RPH3AL: variants seen among roughly 807,000 people sequenced by gnomAD.
The protein encoded by RPH3AL is rabphilin 3A like (without C2 domains), also known as rab effector Noc2.
RPH3AL carries 38 observed loss-of-function variants against 43.1 expected under a neutral mutation model. The ratio of observed to expected loss-of-function variants is 0.88; its 90% CI spans 0.68 to 1.15. The LOEUF (loss-of-function observed/expected upper bound fraction) is 1.15, where lower values mean the gene tolerates loss of function less well. Ranked by LOEUF, RPH3AL falls within the 50% of genes most tolerant of loss-of-function variation. The pLI, the probability that RPH3AL is intolerant of heterozygous loss-of-function variation, is 0.00. For synonymous variants in RPH3AL, 189 were observed against 176.3 expected (o/e 1.07, Z -0.57); for missense variants, 462 against 423.2 (o/e 1.09, Z -0.81).
intron 6 of RPH3AL, among the ~76,000 whole-genome samples, chr17:252,515 C>T (rs1447323269): frequency 1.3e-5 from 2 of 152,192 alleles, no homozygotes; most frequent in South Asian, 2.1e-4. Context: ...CACCTCACTA[C>T]GCATCAGAGC....
chr17:280,418 C>T (rs1270430794), intron 6 of RPH3AL, among the ~76,000 whole-genome samples: 2 of 152,146 alleles, frequency 1.3e-5, no homozygotes, highest in Non-Finnish European at 1.5e-5. Flanking sequence ...CAAGCTGTCA[C>T]GGCTGGGATG....
At chr17:269,082 GT>G (rs2042397423) in intron 6 of RPH3AL, among the ~76,000 whole-genome samples, 1 of 152,158 alleles carries the variant, frequency 6.6e-6, no homozygotes, top group Admixed American at 6.5e-5. Context: ...GTTTCACCGT[GT>G]TAGCCAGGAT....
intron 6 of RPH3AL, among the ~76,000 whole-genome samples, chr17:279,386 C>T (rs922477069): frequency 6.6e-6 from 1 of 152,098 alleles, no homozygotes; most frequent in Non-Finnish European, 1.5e-5. Flanking sequence ...CTTTTAGAGG[C>T]TAAGTTTTAT....
chr17:347,795 A>T (rs1395864160), intron 1 of RPH3AL, among the ~76,000 whole-genome samples: 1 of 152,236 alleles, frequency 6.6e-6, no homozygotes, highest in Admixed American at 6.5e-5. Context: ...CACAACCAAG[A>T]TGTCCTTCAT....
At chr17:249,472 A>T (rs1381788933) in intron 6 of RPH3AL, among the ~76,000 whole-genome samples, 1 of 152,060 alleles carries the variant, frequency 6.6e-6, no homozygotes, top group Non-Finnish European at 1.5e-5. Flanking sequence ...GCCTCTCCAC[A>T]GAGGAGAGGC....
intron 6 of RPH3AL, among the ~76,000 whole-genome samples, chr17:275,814 T>G (rs1020955977): frequency 1.3e-5 from 2 of 152,226 alleles, no homozygotes; most frequent in Non-Finnish European, 2.9e-5. Flanking sequence ...CCCAAAGTGC[T>G]GGGATTACAG....
In RPH3AL at chr17:252,770, T is replaced by C. The variant is rs899039214; in HGVS notation, c.439-5485A>G. The stretch of plus-strand genomic sequence containing the variant: ...CTTGGGACAGAAGTGCTTCAGATTT[T>C]GAATTTTTCCGAATTTTAGAATATT... On this transcript the variant is annotated intron_variant, in intron 6 of 9. Transcript: ENST00000331302. 2.0e-5 allele frequency among the ~76,000 whole-genome samples: 3 copies of C among 152,222 alleles called. No individual in the cohort carries two copies. The East Asian group carries it at 5.8e-4, about 29-fold the overall frequency.
intron 2 of RPH3AL, chr17:331,980 G>A: frequency 1.1e-6 from 1 of 874,864 alleles, no homozygotes; most frequent in Non-Finnish European, 1.6e-6. Context: ...GAGGGAGGAT[G>A]GAATTGGCCT....
rs67434950 is a variant in RPH3AL at position 327,568 on chromosome 17, G to A, written c.-25C>T. On this transcript the variant is annotated 5_prime_UTR_variant, in exon 3 of 10. Coordinates refer to ENST00000331302, the MANE Select transcript of RPH3AL (RefSeq NM_006987.4). The stretch of plus-strand genomic sequence containing the variant: ...TGGCTCGGAGCACCCGGCTGGGGGT[G>A]GGGAGTCACATCTGAGATGAAGGAG... The A allele has an allele frequency of 1.2e-4, 191 of 1,610,516 alleles. No homozygotes were observed. The highest frequency in any genetic ancestry group is 8.2e-4 in the Middle Eastern group (5 of 6,074).
chr17:237,732 G>A (rs186346030), intron 7 of RPH3AL, among the ~76,000 whole-genome samples: 141 of 152,332 alleles, frequency 9.3e-4, no homozygotes, highest in African/African-American at 2.9e-3. Context: ...ATCCCAGGCC[G>A]AGGTCCACAT....
At chr17:292,056 C>T (rs1460921865) in intron 5 of RPH3AL, among the ~76,000 whole-genome samples, 1 of 152,208 alleles carries the variant, frequency 6.6e-6, no homozygotes, top group African/African-American at 2.4e-5. Context: ...TTTTGCAGGT[C>T]AGGATGGATT....
intron 6 of RPH3AL, among the ~76,000 whole-genome samples, chr17:262,867 T>C (rs1430577300): frequency 6.6e-6 from 1 of 152,186 alleles, no homozygotes; most frequent in Non-Finnish European, 1.5e-5. Flanking sequence ...GACCCCACTT[T>C]GCTTTCCCCG....
chr17:331,699 C>T, intron 2 of RPH3AL: 1 of 1,287,828 alleles, frequency 7.8e-7, no homozygotes, highest in Non-Finnish European at 1.0e-6. Flanking sequence ...GACCCCCATG[C>T]CCGGCACCCC....
At chr17:285,228 G>A (rs1273372566) in intron 5 of RPH3AL, among the ~76,000 whole-genome samples, 5 of 152,198 alleles carry the variant, frequency 3.3e-5, no homozygotes, top group East Asian at 3.9e-4. Flanking sequence ...GCCATCCTGC[G>A]CTATCACCAG....
chr17:331,605 G>A, intron 2 of RPH3AL: 1 of 1,286,634 alleles, frequency 7.8e-7, no homozygotes, highest in South Asian at 1.2e-5. Context: ...TTAGGAAACT[G>A]CCCACGGAGC....
rs145270784 is a variant in RPH3AL at position 245,400 on chromosome 17, AGT to A, written c.613+1709_613+1710del. ...GGATGTCAGTGTGTGTGTGGATATC[AGT>A]GTGTGTGTGTGCATGGTGATGTGTG... On this transcript the variant is annotated intron_variant, in intron 7 of 9. Transcript: ENST00000331302. The surrounding 1 kb of genome is among the most constrained non-coding windows in gnomAD (Gnocchi z 5.9). Among the ~76,000 whole-genome samples the A allele has an allele frequency of 0.015, 2,116 of 137,674 alleles. 51 individuals carry two copies. Among genetic ancestry groups the A allele is most frequent in the Admixed American group, 0.065 (882 of 13,610 alleles). The allele number at this position is 137,674 out of a possible 152,430, so 90.3% of individuals were successfully genotyped here.
At chr17:267,817 C>G (rs1299333459) in intron 6 of RPH3AL, among the ~76,000 whole-genome samples, 1 of 142,350 alleles carries the variant, frequency 7.0e-6, no homozygotes, top group African/African-American at 2.5e-5. Context: ...ATCACTGATT[C>G]AAGCTTCTTA....
intron 5 of RPH3AL, among the ~76,000 whole-genome samples, chr17:307,076 T>C (rs1006601323): frequency 2.7e-5 from 4 of 150,596 alleles, no homozygotes; most frequent in African/African-American, 7.3e-5. Context: ...AGCTCACCCA[T>C]GGCAGGTCCT....
At chr17:233,242 AC>A (rs925402950) in intron 7 of RPH3AL, among the ~76,000 whole-genome samples, 35 of 151,544 alleles carry the variant, frequency 2.3e-4, no homozygotes, top group Non-Finnish European at 5.9e-5. Flanking sequence ...CCACTGCTCT[AC>A]CCCCCGCCTG....
Sources: allele counts gnomAD v4.1 joint callset (sites outside exome capture counted in the v4.1 genomes callset), GRCh38; gene constraint gnomAD v4.1.1; non-coding constraint Gnocchi (gnomAD v3.1); transcripts MANE v1.5; gene names NCBI Gene and HGNC (gene_info 2026-07-23, HGNC 2026-07-21).